The following PLAA variants were observed in gnomAD, a reference collection of about 807,000 sequenced individuals.
The protein encoded by PLAA is phospholipase A2 activating protein.
Under a neutral mutation model 84.1 loss-of-function variants are expected in PLAA, and 48 were observed. The observed-to-expected ratio is 0.57, with a 90% confidence interval of 0.45 to 0.73. PLAA has a LOEUF of 0.73. Ranked by LOEUF, PLAA falls within the 30% of genes least tolerant of loss-of-function variation. The pLI is 0.00. For synonymous variants in PLAA, 392 were observed against 336.6 expected, an observed-to-expected ratio of 1.16 and a Z score of -1.80; for missense variants, 903 against 954.7, an observed-to-expected ratio of 0.95 and a Z score of 0.71.
rs1293486402 is a variant in PLAA at position 26,904,496 on chromosome 9, C to T, written c.*1015G>A. The T allele has an allele frequency of 6.6e-6, 1 of 152,100 alleles. No individual in the cohort carries two copies. Among genetic ancestry groups the T allele is most frequent in the Admixed American group, 6.5e-5 (1 of 15,278 alleles). The allele number at this position is 152,100 out of a possible 1,614,324, so 9.4% of individuals were successfully genotyped here. A position where few individuals can be genotyped will look rare whatever the true frequency, so the allele number is the denominator to read the frequency against. Reference sequence around the variant, plus strand: ...TAGCATGTACTTTAAGTAGTTAACTCCCTCTTGGCTTCACTTTTTTTTTTC... The same window carrying T: ...TAGCATGTACTTTAAGTAGTTAACTTCCTCTTGGCTTCACTTTTTTTTTTC... On this transcript the variant is annotated 3_prime_UTR_variant, in exon 14 of 14. Transcript: ENST00000397292.
At chr9:26,930,502 C>G (rs1825146346) in intron 2 of PLAA, among the ~76,000 whole-genome samples, 1 of 152,010 alleles carries the variant, frequency 6.6e-6, no homozygotes, top group Non-Finnish European at 1.5e-5. Context: ...CTGAGAAAAT[C>G]TGATGAACAG....
At position 26,903,407 on chromosome 9, in the gene PLAA, T is replaced by C. The variant is rs193260996; in HGVS notation, c.*2104A>G. Among the ~76,000 whole-genome samples the C allele has an allele frequency of 6.6e-6, 1 of 152,310 alleles. No individual in the cohort carries two copies. Among genetic ancestry groups the C allele is most frequent in the East Asian group, 1.9e-4 (1 of 5,184 alleles). On this transcript the variant is annotated 3_prime_UTR_variant, in exon 14 of 14. Transcript: ENST00000397292. Reference sequence around the variant, plus strand: ...TTGTATTTATTAATGTGGAGCTCTTTGTACCAAATATAAGTTTAAAAATCA... The same window carrying C: ...TTGTATTTATTAATGTGGAGCTCTTCGTACCAAATATAAGTTTAAAAATCA...
Position 26,919,555 on chromosome 9 carries a change from T to A in PLAA, c.1198-26A>T, listed in dbSNP as rs756156232. 4.1e-6 allele frequency: 5 copies of A among 1,213,510 alleles called. No individual in the cohort carries two copies. The African/African-American group carries it at 4.5e-5, about 11-fold the overall frequency. The allele number at this position is 1,213,510 out of a possible 1,614,324, so 75.2% of individuals were successfully genotyped here. ...CTAAAGTAGGAATATAAAAAGGAGA[T>A]ACATGCTTATTATCTGTTCACATAT... On this transcript the variant is annotated intron_variant, in intron 8 of 13. Transcript: ENST00000397292.
intron 5 of PLAA, among the ~76,000 whole-genome samples, 175 bp downstream of exon 5, chr9:26,926,218 C>T (rs3737226): frequency 0.097 from 14,812 of 152,042 alleles, 1,759 homozygotes; most frequent in East Asian, 0.65. Flanking sequence ...ATAAAGATGG[C>T]CATACAATTT....
intron 13 of PLAA, 68 bp downstream of exon 13, chr9:26,907,766 T>TAATATTGATAGAATATTGATAG: frequency 1.5e-6 from 2 of 1,310,640 alleles, no homozygotes; most frequent in Non-Finnish European, 2.1e-6. Context: ...CAAATACCAG[T>TAATATTGATAGAATATTGATAG]AATATTGATA....
intron 4 of PLAA, among the ~76,000 whole-genome samples, chr9:26,927,178 T>C (rs1394853322): frequency 6.7e-6 from 1 of 148,644 alleles, no homozygotes; most frequent in East Asian, 2.2e-4. Flanking sequence ...TGGAGTGCAC[T>C]GGCACTACCT....
rs1825761754 is a variant in PLAA at position 26,947,162 on chromosome 9, A to T, written c.-117T>A. On this transcript the variant is annotated 5_prime_UTR_variant, in exon 1 of 14. Coordinates refer to ENST00000397292, the MANE Select transcript of PLAA (RefSeq NM_001031689.3). The stretch of plus-strand genomic sequence containing the variant: ...GAGCCTGCAGGTAAGGGGCGGCCGG[A>T]GACCGGAAGAGCCCGAGAGCCGGTA... The T allele has an allele frequency of 8.2e-7, 1 of 1,222,158 alleles. No individual in the cohort carries two copies. Among genetic ancestry groups the T allele is most frequent in the Non-Finnish European group, 1.1e-6 (1 of 924,122 alleles). 75.7% of individuals were successfully genotyped at this position (1,222,158 alleles called of 1,614,324 possible).
intron 11 of PLAA, among the ~76,000 whole-genome samples, chr9:26,913,006 T>C (rs1824444558): frequency 6.6e-6 from 1 of 152,200 alleles, no homozygotes; most frequent in African/African-American, 2.4e-5. Context: ...GAGGATCATG[T>C]GAGCCCAGGA....
At chr9:26,918,288 A>ATTTTTTT (rs1185916022) in intron 9 of PLAA, among the ~76,000 whole-genome samples, 4 of 95,726 alleles carry the variant, frequency 4.2e-5, no homozygotes, top group South Asian at 3.2e-4. Flanking sequence ...AATTTTTTGT[A>ATTTTTTT]TTTTTTTTTT....
At chr9:26,939,018 G>A (rs924322766) in intron 1 of PLAA, among the ~76,000 whole-genome samples, 2 of 152,040 alleles carry the variant, frequency 1.3e-5, no homozygotes, top group African/African-American at 2.4e-5. Flanking sequence ...ACAACTTTAG[G>A]ATATTAAATA....
chr9:26,931,157 G>GAAA (rs200805235), intron 2 of PLAA, among the ~76,000 whole-genome samples: 1 of 126,978 alleles, frequency 7.9e-6, no homozygotes, highest in Non-Finnish European at 1.7e-5. Flanking sequence ...TTTGAGAACT[G>GAAA]AAAAAAAAAA....
At chr9:26,918,033 ATTTTCT>A (rs1824621004) in intron 9 of PLAA, among the ~76,000 whole-genome samples, 1 of 152,090 alleles carries the variant, frequency 6.6e-6, no homozygotes, top group Non-Finnish European at 1.5e-5. Flanking sequence ...CTAAACAATT[ATTTTCT>A]TTTTAAGTGC....
chr9:26,910,833 T>C (rs1051083063), intron 11 of PLAA, among the ~76,000 whole-genome samples: 1 of 152,188 alleles, frequency 6.6e-6, no homozygotes, highest in Admixed American at 6.5e-5. Flanking sequence ...TAAGATTAAA[T>C]CTAAATTATA....
rs1824211882 is a variant in PLAA at position 26,905,758 on chromosome 9, T to C, written c.2141A>G (p.His714Arg). Residue 714 changes from histidine (H) to arginine (R), a missense_variant, in exon 14 of 14, where the codon CAT (histidine) becomes CGT (arginine). Physicochemically the swap from His to Arg is conservative, Grantham distance 29. Transcript: ENST00000397292. ...TTTCCCTTCAATGTTATGGTCTTTA[T>C]GAAAACAAACAGAATAGTTCAGGGC... is the stretch of plus-strand genomic sequence containing the variant. ...TLALNYSVCF[H>R]KDHNIEGKAQ... 1 of 1,614,204 alleles carries C rather than the reference T, an allele frequency of 6.2e-7. No homozygotes were observed. Among genetic ancestry groups the C allele is most frequent in the East Asian group, 2.2e-5 (1 of 44,884 alleles).
In PLAA at chr9:26,937,295, C is replaced by T. The variant is rs149139651; in HGVS notation, c.150-2089G>A. Among the ~76,000 whole-genome samples the T allele has an allele frequency of 5.9e-5, 9 of 152,192 alleles. No homozygotes were observed. In the East Asian group the frequency reaches 1.2e-3, roughly 20 times the overall value. On this transcript the variant is annotated intron_variant, in intron 1 of 13. Transcript: ENST00000397292. ...GTGCATGCCCAGGGAAAAGCACAGGCTCAGAAAAGACTGAGAAGACTAAGT... is the reference window on the plus strand; with the variant it reads ...GTGCATGCCCAGGGAAAAGCACAGGTTCAGAAAAGACTGAGAAGACTAAGT...
intron 11 of PLAA, among the ~76,000 whole-genome samples, chr9:26,913,445 T>C (rs1824455503): frequency 6.6e-6 from 1 of 152,156 alleles, no homozygotes. Context: ...GAGAACAATG[T>C]ATAATCCAGT....
intron 12 of PLAA, 37 bp from the exon 13 acceptor site, chr9:26,908,035 T>G (rs200839699): frequency 5.7e-4 from 854 of 1,503,258 alleles, no homozygotes; most frequent in Non-Finnish European, 7.1e-4. Context: ...ATTCTCTAAC[T>G]GTAATTGGCC....
chr9:26,939,644 C>A lies in PLAA; in HGVS notation c.150-4438G>T, dbSNP rs547735431. Among the ~76,000 whole-genome samples the A allele has an allele frequency of 2.6e-5, 4 of 152,006 alleles. No homozygotes were observed. In the South Asian group the frequency reaches 8.3e-4, roughly 32 times the overall value. On this transcript the variant is annotated intron_variant, in intron 1 of 13. Transcript: ENST00000397292. Reference sequence around the variant, plus strand: ...TTAAAAAACATAATCCAGCTCGGTGCTGTTTATGAGACTCACTTTAGATCC... The same window carrying A: ...TTAAAAAACATAATCCAGCTCGGTGATGTTTATGAGACTCACTTTAGATCC...
rs559092709 is a variant in PLAA at position 26,904,268 on chromosome 9, ACAC to A, written c.*1240_*1242del. The A allele has an allele frequency of 7.5e-4, 115 of 152,322 alleles. 1 individual carries two copies. In the Middle Eastern group the frequency reaches 0.01, roughly 14 times the overall value. 9.4% of individuals were successfully genotyped at this position (152,322 alleles called of 1,614,324 possible). On this transcript the variant is annotated 3_prime_UTR_variant, in exon 14 of 14. Coordinates refer to ENST00000397292, the MANE Select transcript of PLAA (RefSeq NM_001031689.3). ...TTAAGCCAGGGGATTCATGGTTTTT[ACAC>A]CACGAGTATTGAGAATGTTGCTATT...
Sources: allele counts gnomAD v4.1 joint callset (sites outside exome capture counted in the v4.1 genomes callset), GRCh38; gene constraint gnomAD v4.1.1; transcripts MANE v1.5; gene names NCBI Gene and HGNC (gene_info 2026-07-23, HGNC 2026-07-21).